Variants in MICU1 observed in about 807,000 individuals in gnomAD.
The protein encoded by MICU1 is calcium uptake protein 1, mitochondrial.
In MICU1, 45 loss-of-function variants were observed where a neutral mutation model predicts 56.8. The ratio of observed to expected loss-of-function variants is 0.79; its 90% CI spans 0.62 to 1.02. MICU1 has a LOEUF of 1.02. Ranked by LOEUF, MICU1 falls within the 50% of genes least tolerant of loss-of-function variation. The pLI is 0.00. For synonymous variants in MICU1, 186 were observed against 195.1 expected (o/e 0.95, Z 0.39); for missense variants, 504 against 587.1 (o/e 0.86, Z 1.46).
chr10:72,411,993 T>C (rs561244451), intron 9 of MICU1, among the ~76,000 whole-genome samples: 7 of 152,332 alleles, frequency 4.6e-5, no homozygotes, highest in South Asian at 4.1e-4. Flanking sequence ...TAAAAAATTT[T>C]ATTGAGCACT....
At chr10:72,385,280 A>C (rs1862849467) in intron 10 of MICU1, among the ~76,000 whole-genome samples, 1 of 152,154 alleles carries the variant, frequency 6.6e-6, no homozygotes, top group Non-Finnish European at 1.5e-5. Flanking sequence ...ACCTGAGGTC[A>C]GGAGTTCAAG....
At chr10:72,533,221 T>C in intron 5 of MICU1, 1 of 930,020 alleles carries the variant, frequency 1.1e-6, no homozygotes. Flanking sequence ...AAGTCTCATT[T>C]TCTATACCTA....
At chr10:72,441,131 C>G (rs1320048144) in intron 8 of MICU1, among the ~76,000 whole-genome samples, 1 of 152,042 alleles carries the variant, frequency 6.6e-6, no homozygotes, top group Non-Finnish European at 1.5e-5. Flanking sequence ...CTCACAATAG[C>G]AAAGACTTGG....
chr10:72,467,941 T>A (rs1865843609), intron 8 of MICU1: 1 of 152,160 alleles, frequency 6.6e-6, no homozygotes. Flanking sequence ...GTTCAAGTGA[T>A]TCTCCTGCCT....
intron 9 of MICU1, among the ~76,000 whole-genome samples, chr10:72,413,198 A>C (rs961545107): frequency 2.2e-4 from 33 of 151,452 alleles, no homozygotes; most frequent in African/African-American, 8.1e-4. Context: ...CTGTCTCAAA[A>C]AAAGACAAAA....
At chr10:72,553,865 C>T (rs1840096741) in intron 3 of MICU1, among the ~76,000 whole-genome samples, 7 of 151,818 alleles carry the variant, frequency 4.6e-5, no homozygotes, top group Admixed American at 3.3e-4. Flanking sequence ...AGCATTGTAC[C>T]TTAGCCTGGT....
intron 4 of MICU1, among the ~76,000 whole-genome samples, chr10:72,543,187 T>C (rs763596662): frequency 1.2e-4 from 19 of 152,204 alleles, no homozygotes; most frequent in Non-Finnish European, 2.6e-4. Flanking sequence ...GTCAGGGACC[T>C]GCCCTGTCTG....
intron 6 of MICU1, among the ~76,000 whole-genome samples, chr10:72,493,270 T>G (rs1337644583): frequency 6.6e-6 from 1 of 152,110 alleles, no homozygotes; most frequent in Non-Finnish European, 1.5e-5. Context: ...ATAATAGGTA[T>G]GTTTTGAGTC....
chr10:72,605,796 T>G (rs1011584616), intron 1 of MICU1, among the ~76,000 whole-genome samples: 3 of 152,152 alleles, frequency 2.0e-5, no homozygotes, highest in African/African-American at 4.8e-5. Context: ...CTGGAACCAA[T>G]CCTCACAGAT....
chr10:72,451,441 G>C (rs1158481756), intron 8 of MICU1, among the ~76,000 whole-genome samples: 1 of 152,314 alleles, frequency 6.6e-6, no homozygotes, highest in East Asian at 1.9e-4. Flanking sequence ...AACTATTAAA[G>C]AAGCTGTTCC....
chr10:72,398,067 A>G (rs1221001829), intron 10 of MICU1, among the ~76,000 whole-genome samples: 3 of 152,194 alleles, frequency 2.0e-5, no homozygotes, highest in Admixed American at 2.0e-4. Flanking sequence ...AAAGAACAGA[A>G]ATCACAACAA....
At chr10:72,418,127 C>T (rs115375017) in intron 9 of MICU1, among the ~76,000 whole-genome samples, 4,578 of 152,112 alleles carry the variant, frequency 0.03, 229 homozygotes, top group African/African-American at 0.11. Context: ...GGGAAACTGC[C>T]CCATGATTCA....
intron 1 of MICU1, among the ~76,000 whole-genome samples, chr10:72,624,610 A>G (rs1035470063): frequency 6.6e-6 from 1 of 152,214 alleles, no homozygotes; most frequent in African/African-American, 2.4e-5. Flanking sequence ...ATTAGCTTCT[A>G]TTAGTTTCTA....
At chr10:72,417,256 T>A (rs1864011453) in intron 9 of MICU1, among the ~76,000 whole-genome samples, 1 of 151,976 alleles carries the variant, frequency 6.6e-6, no homozygotes, top group African/African-American at 2.4e-5. Context: ...ATCGAGACCA[T>A]CCTGGCTGAC....
intron 11 of MICU1, among the ~76,000 whole-genome samples, chr10:72,371,760 T>C (rs1313635096): frequency 6.9e-6 from 1 of 145,596 alleles, no homozygotes; most frequent in African/African-American, 2.6e-5. Context: ...AAAAAATATA[T>C]ATATATAGGC....
At chr10:72,539,953 C>T (rs1214310141) in intron 4 of MICU1, among the ~76,000 whole-genome samples, 2 of 152,102 alleles carry the variant, frequency 1.3e-5, no homozygotes, top group East Asian at 1.9e-4. Context: ...GCTAGCAAGT[C>T]CAGTTCCAGG....
At position 72,502,147 on chromosome 10, in the gene MICU1, T is replaced by G. The variant is rs77184587; in HGVS notation, c.652+6008A>C. 4.0e-4 allele frequency among the ~76,000 whole-genome samples: 34 copies of G among 84,076 alleles called. No homozygotes were observed. The South Asian group carries it at 4.8e-3, about 12-fold the overall frequency. 55.2% of individuals were successfully genotyped at this position (84,076 alleles called of 152,430 possible). On this transcript the variant is annotated intron_variant, in intron 6 of 11. Transcript: ENST00000361114. The stretch of plus-strand genomic sequence containing the variant: ...TGAGTTCATTAACTTTGTTTTGCTG[T>G]TTTTTTTTTTGTTTTTTTTTTTTTT...
chr10:72,585,674 AT>A (rs199768290), intron 1 of MICU1, among the ~76,000 whole-genome samples: 20 of 152,014 alleles, frequency 1.3e-4, no homozygotes, highest in African/African-American at 4.3e-4. Flanking sequence ...AAAAAAAAAA[AT>A]TCATTTTAAA....
intron 10 of MICU1, among the ~76,000 whole-genome samples, chr10:72,405,478 C>T (rs1230096942): frequency 6.6e-6 from 1 of 152,020 alleles, no homozygotes; most frequent in African/African-American, 2.4e-5. Flanking sequence ...GCCTCGGCCT[C>T]CCAAAGTGCT....
Sources: gnomAD v4.1 joint callset for allele counts (sites outside exome capture counted in the v4.1 genomes callset) on GRCh38, gnomAD v4.1.1 for gene constraint, MANE v1.5 for transcripts, NCBI Gene and HGNC (gene_info 2026-07-23, HGNC 2026-07-21) for gene names.